The following LRBA variants were observed in gnomAD, a reference collection of about 807,000 sequenced individuals.
The protein encoded by LRBA is LPS responsive beige-like anchor protein, also known as lipopolysaccharide-responsive and beige-like anchor protein.
In LRBA, 176 loss-of-function variants were observed where a neutral mutation model predicts 330.0. The observed-to-expected ratio is 0.53, with a 90% CI of 0.47 to 0.60. LRBA has a LOEUF of 0.60. Ranked by LOEUF, LRBA falls within the 20% of genes least tolerant of loss-of-function variation. The pLI is 0.00. For missense variants in LRBA, 3,259 were observed against 3,444.8 expected, an observed-to-expected ratio of 0.95 and a Z score of 1.35; for synonymous variants, 1,230 against 1,193.0, an observed-to-expected ratio of 1.03 and a Z score of -0.64.
intron 41 of LRBA, among the ~76,000 whole-genome samples, chr4:150,490,556 G>A (rs903769239): frequency 2.0e-5 from 3 of 151,840 alleles, no homozygotes; most frequent in African/African-American, 4.8e-5. Flanking sequence ...CATATGAATC[G>A]TTATTGTCCT....
intron 36 of LRBA, among the ~76,000 whole-genome samples, chr4:150,710,164 G>T (rs948747783): frequency 6.6e-6 from 1 of 152,082 alleles, no homozygotes; most frequent in Non-Finnish European, 1.5e-5. Flanking sequence ...ACAAAACACA[G>T]TATTGATAAC....
intron 48 of LRBA, among the ~76,000 whole-genome samples, chr4:150,344,784 G>A (rs1400380951): frequency 6.6e-6 from 1 of 152,074 alleles, no homozygotes; most frequent in Non-Finnish European, 1.5e-5. Flanking sequence ...CTCCCAGCCT[G>A]AAGCCATTCT....
chr4:150,807,604 A>G (rs934663139), intron 32 of LRBA, among the ~76,000 whole-genome samples: 3 of 150,694 alleles, frequency 2.0e-5, no homozygotes, highest in Non-Finnish European at 4.4e-5. Flanking sequence ...GCTTTGGCTG[A>G]CTGGCTATCA....
chr4:150,482,777 A>C (rs1188101381), intron 42 of LRBA, among the ~76,000 whole-genome samples: 1 of 152,114 alleles, frequency 6.6e-6, no homozygotes, highest in Non-Finnish European at 1.5e-5. Flanking sequence ...TCAGATGACT[A>C]ATGATGTTTG....
intron 33 of LRBA, among the ~76,000 whole-genome samples, chr4:150,805,198 A>G (rs958517395): frequency 1.8e-5 from 2 of 110,822 alleles, no homozygotes; most frequent in Non-Finnish European, 3.6e-5. Flanking sequence ...GAAGGAAGGC[A>G]GAAGGAAGGA....
chr4:150,288,007 T>C (rs1183179307), intron 53 of LRBA, among the ~76,000 whole-genome samples: 2 of 151,770 alleles, frequency 1.3e-5, no homozygotes, highest in African/African-American at 2.4e-5. Context: ...TTTTTTTTTT[T>C]CTGAGACGGA....
At chr4:150,627,338 T>C (rs1330296530) in intron 37 of LRBA, among the ~76,000 whole-genome samples, 3 of 152,144 alleles carry the variant, frequency 2.0e-5, no homozygotes, top group African/African-American at 7.2e-5. Flanking sequence ...TAAGGTACTT[T>C]GACAAAAAAA....
chr4:150,531,169 T>C (rs1468563045), intron 40 of LRBA, among the ~76,000 whole-genome samples: 1 of 152,216 alleles, frequency 6.6e-6, no homozygotes, highest in Non-Finnish European at 1.5e-5. Flanking sequence ...TCCAGAGCCA[T>C]GGGTACATTT....
At chr4:150,792,416 T>C (rs1740084847) in intron 34 of LRBA, among the ~76,000 whole-genome samples, 1 of 152,166 alleles carries the variant, frequency 6.6e-6, no homozygotes, top group Non-Finnish European at 1.5e-5. Flanking sequence ...ATTAAAATGG[T>C]TGGGTATATG....
chr4:150,303,717 C>T (rs1380996731), intron 52 of LRBA, among the ~76,000 whole-genome samples: 1 of 152,026 alleles, frequency 6.6e-6, no homozygotes. Flanking sequence ...ACTACAGGCA[C>T]CCACCACCAC....
chr4:150,498,918 C>T (rs528654633), intron 40 of LRBA, among the ~76,000 whole-genome samples: 82 of 152,164 alleles, frequency 5.4e-4, no homozygotes, highest in Non-Finnish European at 6.3e-4. Flanking sequence ...TATCTTTATC[C>T]AGTAAAGAGT....
At chr4:150,881,372 T>C (rs1728366175) in intron 17 of LRBA, among the ~76,000 whole-genome samples, 1 of 152,114 alleles carries the variant, frequency 6.6e-6, no homozygotes, top group Non-Finnish European at 1.5e-5. Flanking sequence ...TGCAGAAACA[T>C]GGATGCAGCT....
At chr4:150,510,988 T>A (rs1350497452) in intron 40 of LRBA, among the ~76,000 whole-genome samples, 1 of 152,168 alleles carries the variant, frequency 6.6e-6, no homozygotes, top group East Asian at 1.9e-4. Flanking sequence ...CCTGAATAGC[T>A]GGGACTACAG....
intron 28 of LRBA, among the ~76,000 whole-genome samples, chr4:150,833,388 A>G (rs948474496): frequency 1.3e-5 from 2 of 152,110 alleles, no homozygotes; most frequent in African/African-American, 4.8e-5. Context: ...AGGTAAATTT[A>G]AAATAAGAAC....
At chr4:150,915,578 T>C in intron 8 of LRBA, 30 bp downstream of exon 8, 1 of 1,585,004 alleles carries the variant, frequency 6.3e-7, no homozygotes, top group Middle Eastern at 1.7e-4. Flanking sequence ...AAAATCACTT[T>C]TTTCATTGCA....
At chr4:150,577,950 T>C (rs1770751250) in intron 40 of LRBA, among the ~76,000 whole-genome samples, 3 of 152,232 alleles carry the variant, frequency 2.0e-5, no homozygotes. Context: ...CATGAACTAC[T>C]GCATCATTTC....
At chr4:150,868,140 A>G (rs372894284) in intron 21 of LRBA, 42 bp downstream of exon 21, 22 of 1,552,458 alleles carry the variant, frequency 1.4e-5, no homozygotes, top group Admixed American at 1.0e-4. Flanking sequence ...ATACAAAAGT[A>G]CATTTGAATA....
chr4:150,335,444 CGTATATAT>C (rs1734542759), intron 48 of LRBA, among the ~76,000 whole-genome samples: 1 of 145,178 alleles, frequency 6.9e-6, no homozygotes. Flanking sequence ...TATATATACA[CGTATATAT>C]GTGTATATAT....
chr4:150,832,413 T>C (rs1318750137), intron 28 of LRBA, among the ~76,000 whole-genome samples: 3 of 152,078 alleles, frequency 2.0e-5, no homozygotes, highest in East Asian at 1.9e-4. Flanking sequence ...CTGGCCAACA[T>C]AGTGAAACCC....
Sources: allele counts gnomAD v4.1 joint callset (sites outside exome capture counted in the v4.1 genomes callset), GRCh38; gene constraint gnomAD v4.1.1; transcripts MANE v1.5; gene names NCBI Gene and HGNC (gene_info 2026-07-23, HGNC 2026-07-21).